Variants in NEBL observed in about 807,000 individuals in gnomAD.
The protein encoded by NEBL is LIM and SH3 protein 2.
In NEBL, 122 loss-of-function variants were observed where a neutral mutation model predicts 140.2. That is an observed-to-expected ratio of 0.87 (90% CI 0.75 to 1.01). NEBL has a LOEUF of 1.01. Ranked by LOEUF, NEBL falls within the 50% of genes least tolerant of loss-of-function variation. NEBL has a pLI of 0.00. For missense variants in NEBL, 1,365 were observed against 1,231.3 expected, an observed-to-expected ratio of 1.11 and a Z score of -1.62; for synonymous variants, 436 against 398.9, an observed-to-expected ratio of 1.09 and a Z score of -1.11.
intron 1 of NEBL, among the ~76,000 whole-genome samples, chr10:21,270,153 A>G (rs1022131316): frequency 3.3e-5 from 5 of 152,204 alleles, no homozygotes; most frequent in Non-Finnish European, 1.5e-5. Flanking sequence ...TCTGGTGGAC[A>G]TAAATGATAC....
intron 2 of NEBL, among the ~76,000 whole-genome samples, chr10:21,169,060 AAAAAAAAAT>A (rs1327038284): frequency 8.7e-5 from 5 of 57,652 alleles, no homozygotes; most frequent in African/African-American, 3.1e-4. Flanking sequence ...AAAAAAAAAA[AAAAAAAAAT>A]ATATATATAT....
intron 26 of NEBL, among the ~76,000 whole-genome samples, chr10:20,801,535 A>C (rs963850604): frequency 6.6e-6 from 1 of 152,064 alleles, no homozygotes; most frequent in African/African-American, 2.4e-5. Flanking sequence ...ATACTTCATC[A>C]CAATGCTTTC....
chr10:21,078,679 G>A (rs1053499510), intron 2 of NEBL, among the ~76,000 whole-genome samples: 3 of 152,186 alleles, frequency 2.0e-5, no homozygotes, highest in African/African-American at 2.4e-5. Flanking sequence ...GAAAAATCAT[G>A]TATCCAAGCT....
Position 20,889,912 on chromosome 10 carries a change from T to C in NEBL, c.191A>G (p.Lys64Arg), listed in dbSNP as rs71578975. The C allele has an allele frequency of 1.3e-3, 2,051 of 1,611,320 alleles. 18 individuals are homozygous for C. The African/African-American group carries it at 0.024, about 19-fold the overall frequency. ...AGGACTGTCAGTCACAAATGTACAC[T>C]TATCCTTGGACTTTTTAAACTCTTC... ...YKEEFKKSKD[K>R]CTFVTDSPML... The change falls in exon 3 of 28, where the codon AAG becomes AGG. Residue 64 changes from lysine to arginine, a missense_variant. Around this residue, in one of 2 missense-constraint regions of NEBL, gnomAD observed 1,323 missense variants for 1,154.8 expected, o/e 1.15. Coordinates refer to ENST00000377122, the MANE Select transcript of NEBL (RefSeq NM_006393.3).
At chr10:21,092,425 C>T (rs773196360) in intron 2 of NEBL, among the ~76,000 whole-genome samples, 2 of 152,100 alleles carry the variant, frequency 1.3e-5, no homozygotes, top group African/African-American at 2.4e-5. Context: ...CTAGAAGTAA[C>T]AGTAAATTAT....
At chr10:21,186,659 G>A (rs568767927) in intron 3 of NEBL, among the ~76,000 whole-genome samples, 73 of 149,994 alleles carry the variant, frequency 4.9e-4, no homozygotes, top group Middle Eastern at 3.5e-3. Context: ...AATTGTTTGC[G>A]ACTTTTTTTT....
intron 3 of NEBL, among the ~76,000 whole-genome samples, chr10:21,227,190 T>C (rs1024277951): frequency 1.3e-5 from 2 of 152,184 alleles, no homozygotes; most frequent in Non-Finnish European, 2.9e-5. Context: ...TGGGACAGTT[T>C]GTTGATCTCG....
At chr10:21,028,949 A>G (rs1377217734) in intron 2 of NEBL, 6 of 537,450 alleles carry the variant, frequency 1.1e-5, no homozygotes, top group African/African-American at 1.9e-5. Context: ...CTATACTAAT[A>G]TGAGACAAAA....
At chr10:21,117,550 G>A (rs777651786) in intron 2 of NEBL, among the ~76,000 whole-genome samples, 2 of 152,160 alleles carry the variant, frequency 1.3e-5, no homozygotes, top group Non-Finnish European at 2.9e-5. Flanking sequence ...TCTCCAGGCA[G>A]CAAGCTGCAA....
At chr10:21,185,292 G>A (rs147447449) in intron 3 of NEBL, among the ~76,000 whole-genome samples, 49 of 152,174 alleles carry the variant, frequency 3.2e-4, no homozygotes, top group East Asian at 1.9e-3. Context: ...AAAGGTCACC[G>A]TTCCCAGAGA....
At chr10:20,929,866 C>A (rs1055649508) in intron 4 of NEBL, among the ~76,000 whole-genome samples, 1 of 152,148 alleles carries the variant, frequency 6.6e-6, no homozygotes, top group South Asian at 2.1e-4. Context: ...GACTTCACCA[C>A]TGTGCAATAT....
chr10:20,800,929 G>A (rs1035697837), intron 26 of NEBL, among the ~76,000 whole-genome samples: 15 of 151,846 alleles, frequency 9.9e-5, no homozygotes, highest in Admixed American at 3.9e-4. Context: ...TCTAAATAGC[G>A]TTTAAGTCTC....
At chr10:21,056,565 G>T (rs115745376) in intron 2 of NEBL, among the ~76,000 whole-genome samples, 1 of 152,168 alleles carries the variant, frequency 6.6e-6, no homozygotes, top group South Asian at 2.1e-4. Context: ...TGTTGAACAT[G>T]CATAGAGAAC....
chr10:20,912,669 C>G (rs16921251), intron 4 of NEBL, among the ~76,000 whole-genome samples: 2 of 151,990 alleles, frequency 1.3e-5, no homozygotes, highest in Non-Finnish European at 2.9e-5. Flanking sequence ...TTCCTACTTA[C>G]GTTGCACCTA....
chr10:21,034,119 A>C (rs555562653), intron 2 of NEBL, among the ~76,000 whole-genome samples: 1 of 134,882 alleles, frequency 7.4e-6, no homozygotes, highest in African/African-American at 2.7e-5. Flanking sequence ...GTAAGCTGTG[A>C]TTGTACCACT....
chr10:21,109,167 C>T (rs1187588254), intron 2 of NEBL, among the ~76,000 whole-genome samples: 7 of 151,974 alleles, frequency 4.6e-5, no homozygotes, highest in South Asian at 4.2e-4. Flanking sequence ...TTTTGTGATA[C>T]GTTTCATCAA....
At chr10:21,121,249 G>A (rs1299801760) in intron 2 of NEBL, among the ~76,000 whole-genome samples, 1 of 152,082 alleles carries the variant, frequency 6.6e-6, no homozygotes, top group African/African-American at 2.4e-5. Flanking sequence ...GACAACCTGA[G>A]CCCTTAACAC....
chr10:21,184,831 T>G (rs1318511855), intron 3 of NEBL, among the ~76,000 whole-genome samples: 1 of 152,250 alleles, frequency 6.6e-6, no homozygotes, highest in East Asian at 1.9e-4. Flanking sequence ...TTTTGTTAAT[T>G]TTATATAACT....
chr10:21,157,627 CTG>C (rs1452067966), intron 2 of NEBL, among the ~76,000 whole-genome samples: 1 of 152,194 alleles, frequency 6.6e-6, no homozygotes, highest in Non-Finnish European at 1.5e-5. Flanking sequence ...CTTCAGTTCA[CTG>C]TGTATATATT....
Sources: allele counts gnomAD v4.1 joint callset (sites outside exome capture counted in the v4.1 genomes callset), GRCh38; gene constraint gnomAD v4.1.1; regional missense constraint gnomAD v4.1.1; transcripts MANE v1.5; gene names NCBI Gene and HGNC (gene_info 2026-07-23, HGNC 2026-07-21).